The following DOCK2 variants were observed in gnomAD, a reference collection of about 807,000 sequenced individuals.
DOCK2 encodes dedicator of cytokinesis protein 2.
In DOCK2, 87 loss-of-function variants were observed where a neutral mutation model predicts 248.9. That is an observed-to-expected ratio of 0.35 (90% confidence interval 0.29 to 0.42). The LOEUF (loss-of-function observed/expected upper bound fraction) is 0.42. DOCK2 is among the 10% of genes least tolerant of loss of function. The probability of loss-of-function intolerance (pLI) is 1.00; values close to 1 mark genes in which losing one functional copy is unlikely to be tolerated. For missense variants in DOCK2, 1,747 were observed against 2,300.2 expected (o/e 0.76, Z 4.92); for synonymous variants, 805 against 821.6 (o/e 0.98, Z 0.35).
intron 27 of DOCK2, among the ~76,000 whole-genome samples, chr5:169,858,862 AC>A (rs768580135): frequency 8.5e-5 from 13 of 152,198 alleles, no homozygotes; most frequent in South Asian, 2.1e-4. Flanking sequence ...TTTAAAAAAA[AC>A]ATTAGTGGGT....
intron 27 of DOCK2, among the ~76,000 whole-genome samples, chr5:169,905,898 T>A (rs921511831): frequency 1.3e-5 from 2 of 152,240 alleles, no homozygotes; most frequent in African/African-American, 4.8e-5. Context: ...ACAGTCAAGC[T>A]GATTTCCTAA....
chr5:170,077,853 C>G lies in DOCK2; in HGVS notation c.4994+16C>G. 6.2e-7 allele frequency: 1 copy of G among 1,610,548 alleles called. No homozygotes were observed. Among genetic ancestry groups the G allele is most frequent in the Non-Finnish European group, 8.5e-7 (1 of 1,179,304 alleles). On this transcript the variant is annotated intron_variant, in intron 48 of 51. Transcript: ENST00000520908. ...CCTCAGAGAGGTCAGTCCCTGCACC[C>G]CAAGGAGCCCCCCACACCCCTGCCT...
At chr5:169,997,999 G>A (rs774710331) in intron 30 of DOCK2, 20 of 456,192 alleles carry the variant, frequency 4.4e-5, no homozygotes, top group African/African-American at 1.4e-4. Context: ...GGAATGTGAC[G>A]AAGGGCTTGC....
intron 27 of DOCK2, chr5:169,881,292 TAAAAG>T: frequency 7.9e-7 from 1 of 1,259,556 alleles, no homozygotes; most frequent in Admixed American, 2.2e-5. Context: ...TTTTTGCATT[TAAAAG>T]TTTGCTAGAG....
At chr5:169,883,436 G>A in intron 27 of DOCK2, 1 of 1,551,672 alleles carries the variant, frequency 6.4e-7, no homozygotes, top group South Asian at 1.2e-5. Flanking sequence ...TCAAGATGCT[G>A]AGCCAACCTT....
At chr5:169,775,033 G>A (rs112906536) in intron 25 of DOCK2, among the ~76,000 whole-genome samples, 10,145 of 152,002 alleles carry the variant, frequency 0.067, 519 homozygotes, top group Admixed American at 0.16. Flanking sequence ...CTCAGCCCCC[G>A]GAGTAGCTGG....
chr5:169,706,990 G>T (rs1761303114), intron 14 of DOCK2, among the ~76,000 whole-genome samples: 1 of 152,200 alleles, frequency 6.6e-6, no homozygotes, highest in Non-Finnish European at 1.5e-5. Context: ...TCTCATGAGA[G>T]GCATGACTCG....
chr5:169,736,322 G>A (rs779839702), intron 22 of DOCK2, among the ~76,000 whole-genome samples: 15 of 152,172 alleles, frequency 9.9e-5, no homozygotes, highest in Non-Finnish European at 2.2e-4. Context: ...GCAGGGTCTG[G>A]TAGCTGAAAT....
At chr5:169,777,028 G>A (rs1765422691) in intron 25 of DOCK2, among the ~76,000 whole-genome samples, 1 of 152,130 alleles carries the variant, frequency 6.6e-6, no homozygotes, top group South Asian at 2.1e-4. Flanking sequence ...AAACTTCCTG[G>A]AATTCATACC....
intron 25 of DOCK2, among the ~76,000 whole-genome samples, chr5:169,775,778 A>G (rs988566647): frequency 6.6e-6 from 1 of 152,010 alleles, no homozygotes; most frequent in African/African-American, 2.4e-5. Flanking sequence ...ATGAAAGGCC[A>G]GTGTATGTGA....
chr5:169,875,505 T>C (rs1300743970), intron 27 of DOCK2: 4 of 322,658 alleles, frequency 1.2e-5, no homozygotes, highest in Admixed American at 8.3e-5. Context: ...TGCTGTGGAA[T>C]CTGGCTTGTT....
chr5:169,901,479 C>T (rs1271968229), intron 27 of DOCK2, among the ~76,000 whole-genome samples: 2 of 152,028 alleles, frequency 1.3e-5, no homozygotes, highest in African/African-American at 4.8e-5. Context: ...TATATTAACA[C>T]GTTTGCATTT....
At chr5:169,745,747 G>A (rs1316289448) in intron 22 of DOCK2, among the ~76,000 whole-genome samples, 3 of 152,342 alleles carry the variant, frequency 2.0e-5, no homozygotes, top group East Asian at 1.9e-4. Flanking sequence ...GCAGAGCAGT[G>A]CTCTGTAATG....
At chr5:169,814,991 A>G (rs564767645) in intron 26 of DOCK2, among the ~76,000 whole-genome samples, 1 of 152,328 alleles carries the variant, frequency 6.6e-6, no homozygotes, top group South Asian at 2.1e-4. Context: ...TGCATGACTA[A>G]ACCAACATTT....
intron 23 of DOCK2, among the ~76,000 whole-genome samples, chr5:169,758,940 T>TA (rs1764335694): frequency 1.3e-5 from 2 of 152,156 alleles, no homozygotes; most frequent in Non-Finnish European, 2.9e-5. Context: ...GAAAAATAAA[T>TA]AAAAAATGCA....
At chr5:169,651,987 A>G (rs1757833154) in intron 1 of DOCK2, among the ~76,000 whole-genome samples, 1 of 152,222 alleles carries the variant, frequency 6.6e-6, no homozygotes, top group African/African-American at 2.4e-5. Context: ...AAGTGACTAC[A>G]TTTACTGAGC....
intron 27 of DOCK2, among the ~76,000 whole-genome samples, chr5:169,886,552 T>C (rs942890622): frequency 1.3e-5 from 2 of 152,198 alleles, no homozygotes; most frequent in East Asian, 1.9e-4. Context: ...ATAATAGTTA[T>C]TTTCATTAAT....
At chr5:169,674,221 A>G (rs1733443015) in intron 5 of DOCK2, 76 bp from the exon 6 acceptor site, 1 of 1,563,316 alleles carries the variant, frequency 6.4e-7, no homozygotes, top group South Asian at 1.2e-5. Flanking sequence ...CACTCACCTG[A>G]CTTTGGCACA....
At chr5:170,034,895 A>C (rs1561891175) in intron 35 of DOCK2, among the ~76,000 whole-genome samples, 1 of 152,212 alleles carries the variant, frequency 6.6e-6, no homozygotes, top group Non-Finnish European at 1.5e-5. Context: ...ATATCTGATA[A>C]TTAATGGGAT....
Sources: allele counts gnomAD v4.1 joint callset (sites outside exome capture counted in the v4.1 genomes callset), GRCh38; gene constraint gnomAD v4.1.1; transcripts MANE v1.5; gene names NCBI Gene and HGNC (gene_info 2026-07-23, HGNC 2026-07-21).